Variants in VMP1 observed in about 807,000 individuals in gnomAD.
VMP1 encodes the protein ectopic P-granules autophagy protein 3 homolog.
Under a neutral mutation model 56.0 loss-of-function variants are expected in VMP1, and 11 were observed. The ratio of observed to expected loss-of-function variants is 0.20; its 90% confidence interval spans 0.12 to 0.32. The LOEUF (loss-of-function observed/expected upper bound fraction) is 0.32, where lower values mean the gene tolerates loss of function less well. Ranked by LOEUF, VMP1 falls within the 10% of genes least tolerant of loss-of-function variation. VMP1 has a pLI of 1.00. For synonymous variants in VMP1, 149 were observed against 165.0 expected (o/e 0.90, Z 0.74); for missense variants, 296 against 490.3 (o/e 0.60, Z 3.74).
intron 7 of VMP1, among the ~76,000 whole-genome samples, chr17:59,804,615 TAAAA>T (rs35616891): frequency 1.4e-5 from 1 of 70,162 alleles, no homozygotes; most frequent in African/African-American, 6.1e-5. Context: ...AGACTCCAGC[TAAAA>T]AAAAAAAAAA....
At chr17:59,817,616 C>A in intron 9 of VMP1, 96 bp from the exon 10 acceptor site, 1 of 812,438 alleles carries the variant, frequency 1.2e-6, no homozygotes, top group Non-Finnish European at 1.9e-6. Context: ...CAATTAGGGG[C>A]ACAATCTTAC....
intron 5 of VMP1, among the ~76,000 whole-genome samples, chr17:59,745,547 C>T (rs1464383598): frequency 1.3e-5 from 2 of 152,112 alleles, no homozygotes; most frequent in Non-Finnish European, 2.9e-5. Flanking sequence ...CATTTTCTTG[C>T]TGATTAGTGA....
intron 5 of VMP1, among the ~76,000 whole-genome samples, chr17:59,748,716 G>A (rs533571837): frequency 6.6e-6 from 1 of 152,002 alleles, no homozygotes; most frequent in Admixed American, 6.6e-5. Context: ...CAATTTATAT[G>A]CTTTAGCTGG....
chr17:59,792,646 C>A (rs2037275604), intron 7 of VMP1, among the ~76,000 whole-genome samples: 1 of 151,074 alleles, frequency 6.6e-6, no homozygotes, highest in Non-Finnish European at 1.5e-5. Flanking sequence ...GGGCGGATCA[C>A]CTGAGGTCAA....
At chr17:59,810,466 A>C (rs2038018793) in intron 8 of VMP1, among the ~76,000 whole-genome samples, 1 of 152,122 alleles carries the variant, frequency 6.6e-6, no homozygotes, top group Non-Finnish European at 1.5e-5. Flanking sequence ...CATATCTTAA[A>C]TACTTTAAAT....
At chr17:59,743,490 T>G (rs1404501620) in intron 5 of VMP1, among the ~76,000 whole-genome samples, 2 of 151,960 alleles carry the variant, frequency 1.3e-5, no homozygotes, top group African/African-American at 4.8e-5. Context: ...GTACCACCCG[T>G]TTGTGTATCC....
chr17:59,813,744 A>G (rs1386814703), intron 9 of VMP1, among the ~76,000 whole-genome samples: 1 of 152,150 alleles, frequency 6.6e-6, no homozygotes, highest in Non-Finnish European at 1.5e-5. Flanking sequence ...CTAAGGAAAA[A>G]TAACAGATTA....
At chr17:59,780,760 G>A (rs2036793848) in intron 7 of VMP1, among the ~76,000 whole-genome samples, 1 of 151,894 alleles carries the variant, frequency 6.6e-6, no homozygotes, top group Admixed American at 6.6e-5. Context: ...CTAATTTTTT[G>A]TATTTTCAGT....
chr17:59,748,660 A>G (rs1313244753), intron 5 of VMP1, among the ~76,000 whole-genome samples: 1 of 152,170 alleles, frequency 6.6e-6, no homozygotes, highest in African/African-American at 2.4e-5. Context: ...ATAATTAGCA[A>G]TATCACTACG....
At chr17:59,808,974 TTGG>T in intron 8 of VMP1, 98 bp downstream of exon 8, 1 of 983,712 alleles carries the variant, frequency 1.0e-6, no homozygotes, top group Non-Finnish European at 1.5e-6. Flanking sequence ...ATCACTTTTA[TTGG>T]GTATGTAATT....
At chr17:59,814,879 C>T (rs1226917643) in intron 9 of VMP1, among the ~76,000 whole-genome samples, 3 of 152,132 alleles carry the variant, frequency 2.0e-5, no homozygotes, top group African/African-American at 4.8e-5. Context: ...AGGCATGTCA[C>T]TTGATGTACA....
At chr17:59,833,605 G>C (rs2038885803) in intron 10 of VMP1, among the ~76,000 whole-genome samples, 1 of 151,966 alleles carries the variant, frequency 6.6e-6, no homozygotes, top group African/African-American at 2.4e-5. Context: ...ATAACAAATT[G>C]GTATATTAAT....
chr17:59,822,751 T>C (rs1022613099), intron 10 of VMP1, among the ~76,000 whole-genome samples: 2 of 152,184 alleles, frequency 1.3e-5, no homozygotes, highest in Non-Finnish European at 2.9e-5. Flanking sequence ...TTTCATATCA[T>C]AATTAATAGA....
chr17:59,789,248 A>G (rs1343632725), intron 7 of VMP1, among the ~76,000 whole-genome samples: 7 of 145,634 alleles, frequency 4.8e-5, no homozygotes, highest in Non-Finnish European at 1.1e-4. Context: ...GAAAAAAAAA[A>G]AAGATAAAAG....
At chr17:59,784,419 AC>A (rs1022174756) in intron 7 of VMP1, among the ~76,000 whole-genome samples, 1 of 151,404 alleles carries the variant, frequency 6.6e-6, no homozygotes, top group African/African-American at 2.4e-5. Context: ...TCCTACCCCT[AC>A]CTCACCCCCT....
At chr17:59,725,197 A>G (rs531532933) in intron 1 of VMP1, among the ~76,000 whole-genome samples, 71 of 152,226 alleles carry the variant, frequency 4.7e-4, no homozygotes, top group Middle Eastern at 3.4e-3. Context: ...CACATAATGG[A>G]CCGTTGGTAT....
At chr17:59,835,912 T>C (rs993813094) in intron 10 of VMP1, among the ~76,000 whole-genome samples, 1 of 148,932 alleles carries the variant, frequency 6.7e-6, no homozygotes, top group Non-Finnish European at 1.5e-5. Context: ...ATATTTGTTA[T>C]ATTCATGTCA....
At chr17:59,738,694 TA>T in intron 4 of VMP1, 142 bp from the exon 5 acceptor site, 1 of 569,258 alleles carries the variant, frequency 1.8e-6, no homozygotes, top group Non-Finnish European at 3.1e-6. Context: ...TTAAAGAAAT[TA>T]GGCCTCTTCA....
At chr17:59,821,192 G>A (rs546517340) in intron 10 of VMP1, among the ~76,000 whole-genome samples, 2 of 151,900 alleles carry the variant, frequency 1.3e-5, no homozygotes, top group South Asian at 2.1e-4. Flanking sequence ...GGATGGTCTC[G>A]ATCTCCTGAC....
Sources: gnomAD v4.1 joint callset for allele counts (sites outside exome capture counted in the v4.1 genomes callset) on GRCh38, gnomAD v4.1.1 for gene constraint, MANE v1.5 for transcripts, NCBI Gene and HGNC (gene_info 2026-07-23, HGNC 2026-07-21) for gene names.